SPON1: variants seen among roughly 807,000 people sequenced by gnomAD.
SPON1 encodes the protein spondin 1.
A neutral mutation model predicts 111.7 loss-of-function variants in SPON1; 52 were observed. The ratio of observed to expected loss-of-function variants is 0.47; its 90% confidence interval spans 0.37 to 0.59. The LOEUF (loss-of-function observed/expected upper bound fraction) is 0.59, where lower values mean the gene tolerates loss of function less well. SPON1 is among the 20% of genes least tolerant of loss of function. SPON1 has a pLI of 0.00. For missense variants in SPON1, 957 were observed against 1,068.5 expected, an observed-to-expected ratio of 0.90 and a Z score of 1.46; for synonymous variants, 410 against 395.8, an observed-to-expected ratio of 1.04 and a Z score of -0.43.
chr11:13,967,079 T>C (rs1382366950), intron 1 of SPON1, among the ~76,000 whole-genome samples: 3 of 152,212 alleles, frequency 2.0e-5, no homozygotes, highest in African/African-American at 7.2e-5. Flanking sequence ...GTTTTATGGA[T>C]GAGAAGACTA....
intron 5 of SPON1, among the ~76,000 whole-genome samples, chr11:14,103,936 A>C (rs1849165002): frequency 6.6e-6 from 1 of 152,148 alleles, no homozygotes; most frequent in Non-Finnish European, 1.5e-5. Flanking sequence ...TGATTTTTAT[A>C]AGGGATTTGT....
intron 6 of SPON1, among the ~76,000 whole-genome samples, chr11:14,138,288 T>G (rs1265825755): frequency 1.3e-5 from 2 of 152,138 alleles, no homozygotes; most frequent in African/African-American, 4.8e-5. Flanking sequence ...GGAGGTAAAT[T>G]TTATGCTAAT....
chr11:14,059,568 G>A (rs1310970244), intron 3 of SPON1, among the ~76,000 whole-genome samples: 1 of 152,152 alleles, frequency 6.6e-6, no homozygotes, highest in Non-Finnish European at 1.5e-5. Context: ...AAACAAGGCA[G>A]AGAGACCAGA....
intron 2 of SPON1, among the ~76,000 whole-genome samples, chr11:14,012,062 A>G (rs1056686075): frequency 6.6e-6 from 1 of 152,170 alleles, no homozygotes; most frequent in African/African-American, 2.4e-5. Context: ...GGTGGGCTGC[A>G]GTGAGATACC....
At chr11:14,199,968 G>A (rs1375623623) in intron 6 of SPON1, among the ~76,000 whole-genome samples, 1 of 152,104 alleles carries the variant, frequency 6.6e-6, no homozygotes. Flanking sequence ...ACCGCTTACA[G>A]TACCCTCAAA....
At chr11:13,990,100 T>C (rs1848215858) in intron 2 of SPON1, among the ~76,000 whole-genome samples, 2 of 152,178 alleles carry the variant, frequency 1.3e-5, no homozygotes, top group African/African-American at 4.8e-5. Context: ...CTGAATATCC[T>C]TGTTAATTTT....
intron 5 of SPON1, among the ~76,000 whole-genome samples, chr11:14,123,468 C>T (rs61883788): frequency 0.012 from 1,768 of 152,164 alleles, 18 homozygotes; most frequent in Non-Finnish European, 0.017. Flanking sequence ...TTCAGTTGAA[C>T]ATATAGTGTT....
chr11:14,217,728 C>A (rs1377022802), intron 6 of SPON1, among the ~76,000 whole-genome samples: 1 of 151,860 alleles, frequency 6.6e-6, no homozygotes, highest in Non-Finnish European at 1.5e-5. Context: ...ATATTGAGAT[C>A]TCTGAGTCTC....
intron 2 of SPON1, among the ~76,000 whole-genome samples, chr11:14,016,372 A>G (rs1564886427): frequency 6.6e-6 from 1 of 152,264 alleles, no homozygotes; most frequent in East Asian, 1.9e-4. Context: ...TTAACTGGTG[A>G]AACATCTGTC....
chr11:13,991,316 C>T (rs1848228403), intron 2 of SPON1, among the ~76,000 whole-genome samples: 1 of 152,092 alleles, frequency 6.6e-6, no homozygotes, highest in Admixed American at 6.5e-5. Flanking sequence ...CTCTTTATTT[C>T]ATTAAGTTGA....
At chr11:14,026,580 G>A (rs1374540426) in intron 2 of SPON1, among the ~76,000 whole-genome samples, 1 of 152,190 alleles carries the variant, frequency 6.6e-6, no homozygotes, top group Non-Finnish European at 1.5e-5. Context: ...AGGCGAGGGG[G>A]TGGGGGAAAC....
At chr11:14,132,239 C>T (rs1471348891) in intron 5 of SPON1, among the ~76,000 whole-genome samples, 2 of 151,596 alleles carry the variant, frequency 1.3e-5, no homozygotes, top group Non-Finnish European at 1.5e-5. Context: ...GATTCTGCCA[C>T]TACACTCTAG....
chr11:14,183,153 C>T (rs1848252505), intron 6 of SPON1, among the ~76,000 whole-genome samples: 1 of 151,984 alleles, frequency 6.6e-6, no homozygotes, highest in East Asian at 1.9e-4. Flanking sequence ...TTTTCTGGGC[C>T]CATTAGACTA....
intron 6 of SPON1, among the ~76,000 whole-genome samples, chr11:14,155,934 A>G (rs1183661858): frequency 3.0e-5 from 4 of 132,594 alleles, no homozygotes; most frequent in South Asian, 2.6e-4. Context: ...AGTCTTTGCT[A>G]TTGTGAATAG....
At chr11:14,162,022 G>T (rs535323493) in intron 6 of SPON1, among the ~76,000 whole-genome samples, 1 of 152,036 alleles carries the variant, frequency 6.6e-6, no homozygotes, top group East Asian at 1.9e-4. Flanking sequence ...GCTGGGCATG[G>T]TGGCAAGCGC....
chr11:13,968,910 A>G (rs138738500), intron 1 of SPON1, among the ~76,000 whole-genome samples: 1 of 152,366 alleles, frequency 6.6e-6, no homozygotes, highest in African/African-American at 2.4e-5. Flanking sequence ...CTAAAACTTG[A>G]AGAATTTATT....
At chr11:14,064,057 G>A (rs1444804116) in intron 3 of SPON1, among the ~76,000 whole-genome samples, 1 of 152,140 alleles carries the variant, frequency 6.6e-6, no homozygotes, top group Non-Finnish European at 1.5e-5. Context: ...GAATATAAAA[G>A]AGTTGAATTA....
At chr11:14,153,457 G>A (rs1257395951) in intron 6 of SPON1, among the ~76,000 whole-genome samples, 4 of 152,102 alleles carry the variant, frequency 2.6e-5, no homozygotes, top group Non-Finnish European at 2.9e-5. Flanking sequence ...AGCAGGGAGG[G>A]CCACACACTT....
intron 2 of SPON1, among the ~76,000 whole-genome samples, chr11:14,022,230 A>T (rs1427086902): frequency 1.3e-5 from 2 of 152,260 alleles, no homozygotes; most frequent in African/African-American, 4.8e-5. Context: ...AATTCAGAAT[A>T]TCAGCCAGCT....
Sources: gnomAD v4.1 joint callset for allele counts (sites outside exome capture counted in the v4.1 genomes callset) on GRCh38, gnomAD v4.1.1 for gene constraint, MANE v1.5 for transcripts, NCBI Gene and HGNC (gene_info 2026-07-23, HGNC 2026-07-21) for gene names.